The following HSD17B12 variants were observed in gnomAD, a reference collection of about 807,000 sequenced individuals.
The protein encoded by HSD17B12 is hydroxysteroid 17-beta dehydrogenase 12, also known as very-long-chain 3-oxoacyl-CoA reductase.
HSD17B12 carries 32 observed loss-of-function variants against 39.3 expected under a neutral mutation model. The ratio of observed to expected loss-of-function variants is 0.81; its 90% confidence interval spans 0.61 to 1.09. The LOEUF (loss-of-function observed/expected upper bound fraction) is 1.09. Among genes scored for constraint, HSD17B12 ranks in the 50% least tolerant of loss-of-function variants. The pLI is 0.00. For synonymous variants in HSD17B12, 150 were observed against 146.7 expected (o/e 1.02, Z -0.16); for missense variants, 342 against 382.9 (o/e 0.89, Z 0.89).
intron 1 of HSD17B12, among the ~76,000 whole-genome samples, chr11:43,739,070 G>A (rs572473460): frequency 6.6e-6 from 1 of 152,162 alleles, no homozygotes; most frequent in Admixed American, 6.5e-5. Context: ...GATAAAACTG[G>A]TGTCAGGTTA....
At chr11:43,681,020 C>G in intron 1 of HSD17B12, 33 bp downstream of exon 1, 1 of 1,551,698 alleles carries the variant, frequency 6.4e-7, no homozygotes, top group South Asian at 1.2e-5. Context: ...TCCTCGCTCC[C>G]GCGGCGGCCC....
At chr11:43,564,898 C>CTTTTTTT in the HSD17B12 span, among the ~76,000 whole-genome samples, 2 of 140,592 alleles carry the variant, frequency 1.4e-5, no homozygotes, top group Non-Finnish European at 1.5e-5. Context: ...CTTTCTTCTT[C>CTTTTTTT]TTTTTTTTTT....
intron 9 of HSD17B12, 32 bp from the exon 10 acceptor site, chr11:43,854,683 C>T: frequency 1.9e-6 from 3 of 1,610,716 alleles, no homozygotes; most frequent in Non-Finnish European, 2.5e-6. Context: ...TAATCAATGG[C>T]ATGTTTTCTG....
the HSD17B12 span, among the ~76,000 whole-genome samples, chr11:43,671,643 A>T: frequency 3.3e-5 from 5 of 152,248 alleles, no homozygotes; most frequent in African/African-American, 1.2e-4. Flanking sequence ...TCACTATGAT[A>T]TTTTTAATCA....
intron 9 of HSD17B12, among the ~76,000 whole-genome samples, chr11:43,849,558 C>G (rs1455176469): frequency 6.6e-6 from 1 of 152,204 alleles, no homozygotes; most frequent in East Asian, 1.9e-4. Context: ...AGGCTCTTCA[C>G]CCAGATATTC....
chr11:43,623,387 GT>G, the HSD17B12 span, among the ~76,000 whole-genome samples: 11 of 147,772 alleles, frequency 7.4e-5, no homozygotes, highest in East Asian at 2.0e-4. Context: ...TTAAAGGTTT[GT>G]TTTTTTTGTT....
In HSD17B12 at chr11:43,800,283, G is replaced by T. The variant is rs367773361; in HGVS notation, c.391+1856G>T. 2.9e-4 allele frequency among the ~76,000 whole-genome samples: 44 copies of T among 152,334 alleles called. No individual in the cohort carries two copies. In the South Asian group the frequency reaches 9.1e-3, roughly 32 times the overall value. ...AAAGGCTAGCTTAGGCTGGAAGGGA[G>T]ATTGAGAATCCCTAATGAAAAAAGA... On this transcript the variant is annotated intron_variant, in intron 4 of 10. Coordinates refer to ENST00000278353, the MANE Select transcript of HSD17B12 (RefSeq NM_016142.3).
chr11:43,625,969 T>A, the HSD17B12 span, among the ~76,000 whole-genome samples: 1 of 151,528 alleles, frequency 6.6e-6, no homozygotes, highest in Non-Finnish European at 1.5e-5. Context: ...TAAAACAGCT[T>A]ACATTCTTGA....
chr11:43,613,020 C>G, the HSD17B12 span, among the ~76,000 whole-genome samples: 2 of 152,064 alleles, frequency 1.3e-5, no homozygotes, highest in African/African-American at 2.4e-5. Context: ...ACCCAGGAAC[C>G]AGGTTTGTTA....
the HSD17B12 span, among the ~76,000 whole-genome samples, chr11:43,583,355 G>A: frequency 6.6e-6 from 1 of 152,176 alleles, no homozygotes; most frequent in African/African-American, 2.4e-5. Context: ...GCCTCGCCTC[G>A]CCTCGCCTCA....
At chr11:43,849,292 G>A (rs1011318208) in intron 9 of HSD17B12, among the ~76,000 whole-genome samples, 2 of 151,488 alleles carry the variant, frequency 1.3e-5, no homozygotes, top group African/African-American at 4.9e-5. Flanking sequence ...GTGACAGAGC[G>A]AGACTATCTC....
Position 43,799,540 on chromosome 11 carries a change from GC to G in HSD17B12, c.391+1114del, listed in dbSNP as rs1434739339. ...AATGGGCTTTGTTAACTTTCCCACC[GC>G]TCTTTGAGAGTCGTTTCTAGAAAGA... is the stretch of plus-strand genomic sequence containing the variant. On this transcript the variant is annotated intron_variant, in intron 4 of 10. Coordinates refer to ENST00000278353, the MANE Select transcript of HSD17B12 (RefSeq NM_016142.3). Among the ~76,000 whole-genome samples, 3 of 152,046 alleles carry G rather than the reference GC, an allele frequency of 2.0e-5. No individual in the cohort carries two copies. The South Asian group carries it at 6.2e-4, about 32-fold the overall frequency.
chr11:43,812,296 AC>A (rs1408782980), intron 4 of HSD17B12, among the ~76,000 whole-genome samples: 1 of 152,152 alleles, frequency 6.6e-6, no homozygotes, highest in Non-Finnish European at 1.5e-5. Context: ...AAACCTCCAT[AC>A]TGTTTTCCAC....
At chr11:43,797,733 C>G (rs531255900) in intron 3 of HSD17B12, among the ~76,000 whole-genome samples, 83 of 152,284 alleles carry the variant, frequency 5.5e-4, no homozygotes, top group African/African-American at 1.9e-3. Flanking sequence ...AAGTAGAATA[C>G]TGAGTTGTTT....
the HSD17B12 span, among the ~76,000 whole-genome samples, chr11:43,642,500 G>A: frequency 6.6e-6 from 1 of 151,856 alleles, no homozygotes; most frequent in African/African-American, 2.4e-5. Context: ...ATAGTACTGA[G>A]AAGAGAGTTG....
the HSD17B12 span, among the ~76,000 whole-genome samples, chr11:43,564,501 A>T: frequency 6.6e-6 from 1 of 152,246 alleles, no homozygotes; most frequent in Non-Finnish European, 1.5e-5. Flanking sequence ...TTGCTAGTTT[A>T]TAAGCTCTCA....
chr11:43,742,141 T>TA (rs1355652690), intron 1 of HSD17B12, among the ~76,000 whole-genome samples: 126 of 124,298 alleles, frequency 1.0e-3, no homozygotes, highest in Non-Finnish European at 1.7e-3. Context: ...ATATATATAT[T>TA]TTTTTTTTTA....
At chr11:43,606,816 T>A in the HSD17B12 span, among the ~76,000 whole-genome samples, 1 of 152,236 alleles carries the variant, frequency 6.6e-6, no homozygotes, top group South Asian at 2.1e-4. Context: ...GGCCAAGCGA[T>A]AAATACTCAT....
At chr11:43,607,149 GTTCT>G in the HSD17B12 span, among the ~76,000 whole-genome samples, 1 of 152,100 alleles carries the variant, frequency 6.6e-6, no homozygotes, top group African/African-American at 2.4e-5. Context: ...TTATAGAAAT[GTTCT>G]AAGTAGGATA....
Sources: allele counts gnomAD v4.1 joint callset (sites outside exome capture counted in the v4.1 genomes callset), GRCh38; gene constraint gnomAD v4.1.1; transcripts MANE v1.5; gene names NCBI Gene and HGNC (gene_info 2026-07-23, HGNC 2026-07-21).